INO80: variants seen among roughly 807,000 people sequenced by gnomAD.
INO80 encodes INO80 complex ATPase subunit, also known as chromatin-remodeling ATPase INO80.
INO80 carries 20 observed loss-of-function variants against 203.4 expected under a neutral mutation model. The ratio of observed to expected loss-of-function variants is 0.10; its 90% confidence interval spans 0.07 to 0.14. The LOEUF (loss-of-function observed/expected upper bound fraction) is 0.14. INO80 is among the 10% of genes least tolerant of loss of function. The pLI is 1.00. For synonymous variants in INO80, 726 were observed against 685.2 expected, an observed-to-expected ratio of 1.06 and a Z score of -0.93; for missense variants, 1,419 against 1,914.4, an observed-to-expected ratio of 0.74 and a Z score of 4.83.
chr15:40,997,106 A>C (rs1021697988), intron 29 of INO80, among the ~76,000 whole-genome samples: 5 of 152,066 alleles, frequency 3.3e-5, no homozygotes, highest in African/African-American at 1.2e-4. Flanking sequence ...GCAAAACCCC[A>C]TCTCTACAAA....
intron 14 of INO80, 64 bp downstream of exon 14, chr15:41,069,506 G>T: frequency 1.0e-6 from 1 of 987,814 alleles, no homozygotes; most frequent in Non-Finnish European, 1.5e-6. Context: ...AGTAGGGCAA[G>T]AAAAGGAGAG....
chr15:41,002,174 T>A (rs547983680), intron 28 of INO80, among the ~76,000 whole-genome samples: 89 of 152,340 alleles, frequency 5.8e-4, no homozygotes, highest in Non-Finnish European at 1.3e-4. Context: ...ACCCAAATGT[T>A]GACTCTAAAT....
At chr15:41,014,764 A>G (rs965460714) in intron 27 of INO80, among the ~76,000 whole-genome samples, 3 of 152,232 alleles carry the variant, frequency 2.0e-5, no homozygotes, top group African/African-American at 7.2e-5. Flanking sequence ...CACTGATTTC[A>G]GATAAATTCA....
At position 41,029,242 on chromosome 15, in the gene INO80, A is replaced by C. The variant is rs527777202; in HGVS notation, c.2908-1506T>G. Among the ~76,000 whole-genome samples the C allele has an allele frequency of 7.9e-5, 12 of 152,376 alleles. No homozygotes were observed. In the East Asian group the frequency reaches 2.3e-3, roughly 29 times the overall value. On this transcript the variant is annotated intron_variant, in intron 24 of 35. Transcript: ENST00000648947. ...CCAGTACCAAATCACTCTGAGGATA[A>C]TTTGTTCAGCTCATATCCTGCTCTT...
intron 24 of INO80, among the ~76,000 whole-genome samples, chr15:41,031,978 C>CACAGCACAGCACAGCACAGG (rs1566919567): frequency 1.2e-5 from 1 of 81,194 alleles, no homozygotes. Flanking sequence ...CACAGCACAG[C>CACAGCACAGCACAGCACAGG]ACAGCACAGC....
At chr15:41,018,037 C>T (rs1002355948) in intron 26 of INO80, 4 of 152,136 alleles carry the variant, frequency 2.6e-5, no homozygotes, top group African/African-American at 9.6e-5. Context: ...CCTAAGGTCT[C>T]TCAATTTTGA....
chr15:40,998,331 C>G (rs142263371), intron 28 of INO80, among the ~76,000 whole-genome samples: 1 of 152,062 alleles, frequency 6.6e-6, no homozygotes, highest in East Asian at 1.9e-4. Context: ...CCAAAGCATT[C>G]ATTTTAAGAT....
chr15:41,005,634 C>A lies in INO80; in HGVS notation c.3456G>T (p.Lys1152Asn). The change falls in exon 28 of 36, where the codon AAG (lysine) becomes AAT (asparagine). Residue 1152 changes from lysine (K) to asparagine (N), a missense_variant. Lys to Asn is a moderately conservative substitution (Grantham distance 94, BLOSUM62 0). Around this residue, in one of 9 missense-constraint regions of INO80, gnomAD observed 65 missense variants for 186.7 expected, o/e 0.35. Transcript: ENST00000648947. ...CAACCATGTCTCGCCTCTCCGAGAT[C>A]TTGGATGAGCCATCAAGCCTCATGT... ...HTYMRLDGSSKISERRDMVAD... is the reference protein window; with the variant it reads ...HTYMRLDGSSNISERRDMVAD... The A allele has an allele frequency of 6.2e-7, 1 of 1,610,372 alleles. No homozygotes were observed. Among genetic ancestry groups the A allele is most frequent in the Non-Finnish European group, 8.5e-7 (1 of 1,177,144 alleles).
intron 35 of INO80, among the ~76,000 whole-genome samples, chr15:40,982,182 T>TGTCA (rs1893856044): frequency 6.6e-6 from 1 of 152,252 alleles, no homozygotes; most frequent in Non-Finnish European, 1.5e-5. Flanking sequence ...AGTCTTGCTC[T>TGTCA]GTCACCCATG....
chr15:40,988,834 G>C (rs1430983156), intron 29 of INO80, among the ~76,000 whole-genome samples: 1 of 152,208 alleles, frequency 6.6e-6, no homozygotes, highest in African/African-American at 2.4e-5. Flanking sequence ...GGCTAACATG[G>C]TGAAACCCCA....
chr15:41,041,250 G>A (rs1004183135), intron 24 of INO80, among the ~76,000 whole-genome samples: 3 of 151,664 alleles, frequency 2.0e-5, no homozygotes, highest in Non-Finnish European at 2.9e-5. Flanking sequence ...CATCATGCTT[G>A]GCTAATTTTT....
chr15:41,112,379 A>G (rs2140719031), intron 1 of INO80, among the ~76,000 whole-genome samples: 1 of 152,338 alleles, frequency 6.6e-6, no homozygotes, highest in East Asian at 1.9e-4. Flanking sequence ...TAAAGTATCT[A>G]CCATACTCAC....
intron 1 of INO80, among the ~76,000 whole-genome samples, chr15:41,110,647 T>C (rs2045946740): frequency 6.6e-6 from 1 of 152,144 alleles, no homozygotes; most frequent in Non-Finnish European, 1.5e-5. Flanking sequence ...CCCAGGCTGG[T>C]CTCAAACTCC....
At chr15:41,059,342 T>C (rs1267023076) in intron 15 of INO80, among the ~76,000 whole-genome samples, 1 of 149,724 alleles carries the variant, frequency 6.7e-6, no homozygotes, top group African/African-American at 2.4e-5. Flanking sequence ...AAAAAAGTTC[T>C]GGCCAGGTGT....
At chr15:40,980,461 A>G in intron 35 of INO80, 21 bp from the exon 36 acceptor site, 2 of 1,584,762 alleles carry the variant, frequency 1.3e-6, no homozygotes, top group East Asian at 4.5e-5. Context: ...GGAGAGAGAC[A>G]AGAACGTAAG....
Position 41,005,692 on chromosome 15 carries a change from C to A in INO80, c.3403-5G>T. The A allele has an allele frequency of 6.6e-7, 1 of 1,514,924 alleles. No individual in the cohort carries two copies. The highest frequency in any genetic ancestry group is 9.2e-7 in the Non-Finnish European group (1 of 1,091,810). The allele number at this position is 1,514,924 out of a possible 1,614,324, so 93.8% of individuals were successfully genotyped here. A position where few individuals can be genotyped will look rare whatever the true frequency, so the allele number is the denominator to read the frequency against. On this transcript the variant is annotated splice_polypyrimidine_tract_variant and splice_region_variant and intron_variant, in intron 27 of 35. Coordinates refer to ENST00000648947, the MANE Select transcript of INO80 (RefSeq NM_017553.3). Reference sequence around the variant, plus strand: ...CTTCCTGTAAACCATGTATTCCTGCCAACCAGGATAAAAGGACACAGTAAA... The same window carrying A: ...CTTCCTGTAAACCATGTATTCCTGCAAACCAGGATAAAAGGACACAGTAAA...
intron 9 of INO80, among the ~76,000 whole-genome samples, chr15:41,075,276 T>C (rs1018380329): frequency 5.2e-5 from 7 of 133,358 alleles, no homozygotes; most frequent in Non-Finnish European, 3.1e-5. Context: ...GAAACTTTTC[T>C]TTTTTTTTTT....
intron 29 of INO80, among the ~76,000 whole-genome samples, chr15:40,994,763 T>C (rs2140423692): frequency 6.6e-6 from 1 of 152,354 alleles, no homozygotes; most frequent in Non-Finnish European, 1.5e-5. Context: ...AATGGAACTT[T>C]GTTTTGTTGC....
intron 29 of INO80, among the ~76,000 whole-genome samples, chr15:40,994,420 G>C (rs781273766): frequency 6.6e-6 from 1 of 152,160 alleles, no homozygotes; most frequent in Non-Finnish European, 1.5e-5. Context: ...CTGGAGTACA[G>C]TGGCACGATC....
Sources: allele counts gnomAD v4.1 joint callset (sites outside exome capture counted in the v4.1 genomes callset), GRCh38; gene constraint gnomAD v4.1.1; regional missense constraint gnomAD v4.1.1; transcripts MANE v1.5; gene names NCBI Gene and HGNC (gene_info 2026-07-23, HGNC 2026-07-21).